PRKG1: variants seen among roughly 807,000 people sequenced by gnomAD.
PRKG1 encodes the protein cGMP-dependent protein kinase 1.
In PRKG1, 35 loss-of-function variants were observed where a neutral mutation model predicts 88.1. The ratio of observed to expected loss-of-function variants is 0.40; its 90% CI spans 0.30 to 0.53. PRKG1 has a LOEUF of 0.53. Ranked by LOEUF, PRKG1 falls within the 20% of genes least tolerant of loss-of-function variation. The pLI is 0.59. For synonymous variants in PRKG1, 303 were observed against 292.5 expected (o/e 1.04, Z -0.37); for missense variants, 540 against 839.8 (o/e 0.64, Z 4.41).
intron 9 of PRKG1, among the ~76,000 whole-genome samples, chr10:52,219,894 A>G (rs1840200149): frequency 6.6e-6 from 1 of 152,202 alleles, no homozygotes; most frequent in Non-Finnish European, 1.5e-5. Context: ...TTATTTTTCT[A>G]AAGTAATTTA....
rs572939265 is a variant in PRKG1 at position 52,292,720 on chromosome 10, C to G, written c.1963-1082C>G. On this transcript the variant is annotated intron_variant, in intron 17 of 17. Coordinates refer to ENST00000373980, the MANE Select transcript of PRKG1 (RefSeq NM_006258.4). ...TGACAAAATTTAACAACCCTTCATG[C>G]TAAAAACTCTCAATAAATTAGGTAT... Among the ~76,000 whole-genome samples the G allele has an allele frequency of 9.2e-5, 14 of 152,158 alleles. No homozygotes were observed. In the South Asian group the frequency reaches 2.5e-3, roughly 27 times the overall value.
Position 51,428,381 on chromosome 10 carries a change from C to A in PRKG1, c.479-39342C>A, listed in dbSNP as rs1588948658. Among the ~76,000 whole-genome samples, 3 of 152,170 alleles carry A rather than the reference C, an allele frequency of 2.0e-5. No homozygotes were observed. The East Asian group carries it at 5.8e-4, about 29-fold the overall frequency. Reference sequence around the variant, plus strand: ...TTCTTGGAAAGTTGAATTTTAATATCATTTATGGCTTCACTAAATCTTGAT... The same window carrying A: ...TTCTTGGAAAGTTGAATTTTAATATAATTTATGGCTTCACTAAATCTTGAT... On this transcript the variant is annotated intron_variant, in intron 2 of 17. Transcript: ENST00000373980.
At chr10:51,250,947 A>C (rs1185590652) in intron 2 of PRKG1, among the ~76,000 whole-genome samples, 1 of 151,834 alleles carries the variant, frequency 6.6e-6, no homozygotes, top group Admixed American at 6.6e-5. Flanking sequence ...GAGAATACAG[A>C]ACTAGAGCTG....
intron 2 of PRKG1, among the ~76,000 whole-genome samples, chr10:51,324,551 C>A (rs1841535087): frequency 6.8e-6 from 1 of 147,748 alleles, no homozygotes; most frequent in Admixed American, 6.8e-5. Context: ...CACGATGAAA[C>A]CCCGTCTCTA....
chr10:51,421,198 G>A (rs551143939), intron 2 of PRKG1, among the ~76,000 whole-genome samples: 1 of 152,156 alleles, frequency 6.6e-6, no homozygotes, highest in African/African-American at 2.4e-5. Context: ...TAGAAACAGG[G>A]TCTTGTTCTG....
intron 2 of PRKG1, among the ~76,000 whole-genome samples, chr10:51,199,883 A>G (rs1054945294): frequency 1.3e-5 from 2 of 152,066 alleles, no homozygotes; most frequent in Non-Finnish European, 2.9e-5. Flanking sequence ...TTCTACCCCA[A>G]ATTCTGATGA....
At chr10:51,124,265 CTG>C (rs1371939368) in intron 1 of PRKG1, among the ~76,000 whole-genome samples, 1 of 152,178 alleles carries the variant, frequency 6.6e-6, no homozygotes, top group East Asian at 1.9e-4. Flanking sequence ...TGTCAGCACA[CTG>C]TCCTTTGGAT....
chr10:52,039,841 G>A (rs1845712082), intron 5 of PRKG1, among the ~76,000 whole-genome samples: 1 of 152,072 alleles, frequency 6.6e-6, no homozygotes, highest in Non-Finnish European at 1.5e-5. Flanking sequence ...CCTAATTTTT[G>A]AGAAGCACTC....
In PRKG1 at chr10:51,477,059, C is replaced by G. The variant is rs557687968; in HGVS notation, c.592+9223C>G. 3.9e-5 allele frequency among the ~76,000 whole-genome samples: 6 copies of G among 152,018 alleles called. No individual in the cohort carries two copies. In the South Asian group the frequency reaches 1.0e-3, roughly 26 times the overall value. On this transcript the variant is annotated intron_variant, in intron 3 of 17. Transcript: ENST00000373980. ...ACACACCTGGATTTCTAAACTATAT[C>G]TCTCTCCTTGACAGTCACCAGCAAA...
chr10:51,403,373 TTAGATTTC>T (rs1319986047), intron 2 of PRKG1, among the ~76,000 whole-genome samples: 1 of 152,210 alleles, frequency 6.6e-6, no homozygotes, highest in African/African-American at 2.4e-5. Context: ...AGAAAGTTGA[TTAGATTTC>T]TTTGAAGAAA....
In PRKG1 at chr10:52,297,867, G is replaced by T. The variant is rs1368973612; in HGVS notation, c.*3967G>T. The T allele has an allele frequency of 1.3e-5, 2 of 152,062 alleles. No homozygotes were observed. Among genetic ancestry groups the T allele is most frequent in the Non-Finnish European group, 2.9e-5 (2 of 67,996 alleles). 9.4% of individuals were successfully genotyped at this position (152,062 alleles called of 1,614,324 possible). On this transcript the variant is annotated 3_prime_UTR_variant, in exon 18 of 18. Transcript: ENST00000373980. ...CTCAACAAAACAGGATGCTTTTTCC[G>T]AGTTCTTGTATATGCAAATCATTTA...
chr10:51,281,964 G>A (rs942889358), intron 2 of PRKG1, among the ~76,000 whole-genome samples: 3 of 152,112 alleles, frequency 2.0e-5, no homozygotes, highest in Non-Finnish European at 4.4e-5. Flanking sequence ...AGTGGTGCTG[G>A]GGTATTAATA....
At chr10:51,742,512 A>T (rs932333226) in intron 3 of PRKG1, among the ~76,000 whole-genome samples, 4 of 152,202 alleles carry the variant, frequency 2.6e-5, no homozygotes, top group Non-Finnish European at 5.9e-5. Context: ...TTTAGTGACT[A>T]GTTGGATGCA....
chr10:51,702,186 G>A (rs74132568), intron 3 of PRKG1, among the ~76,000 whole-genome samples: 2,209 of 152,278 alleles, frequency 0.015, 60 homozygotes, highest in African/African-American at 0.05. Context: ...AGGACTATGG[G>A]ACAAACAAGA....
rs576799720 is a variant in PRKG1, at chr10:51,397,079, T to A, written c.479-70644T>A. Among the ~76,000 whole-genome samples, 4 of 152,184 alleles carry A rather than the reference T, an allele frequency of 2.6e-5. No individual in the cohort carries two copies. The South Asian group carries it at 8.3e-4, about 32-fold the overall frequency. On this transcript the variant is annotated intron_variant, in intron 2 of 17. Coordinates refer to ENST00000373980, the MANE Select transcript of PRKG1 (RefSeq NM_006258.4). Reference sequence around the variant, plus strand: ...AGCCCATGAATCGGAGTTGCTGTTTTGATTTTTTTTAAATATTTAAATATC... The same window carrying A: ...AGCCCATGAATCGGAGTTGCTGTTTAGATTTTTTTTAAATATTTAAATATC...
At chr10:52,062,959 A>G (rs1009869223) in intron 7 of PRKG1, 20 of 597,678 alleles carry the variant, frequency 3.3e-5, no homozygotes, top group Non-Finnish European at 5.1e-5. Flanking sequence ...TTTACTCAGA[A>G]TCATTAAGAT....
At chr10:51,737,217 C>G (rs149998713) in intron 3 of PRKG1, among the ~76,000 whole-genome samples, 125 of 152,266 alleles carry the variant, frequency 8.2e-4, no homozygotes, top group African/African-American at 2.9e-3. Context: ...CATCTTCCCC[C>G]ACTCCCACAT....
chr10:51,659,291 G>A (rs942644418), intron 3 of PRKG1, among the ~76,000 whole-genome samples: 2 of 151,992 alleles, frequency 1.3e-5, no homozygotes, highest in Non-Finnish European at 1.5e-5. Flanking sequence ...ATGACAGTTC[G>A]CTCAAATGTG....
At chr10:52,189,934 G>T (rs2132751538) in intron 9 of PRKG1, among the ~76,000 whole-genome samples, 1 of 152,238 alleles carries the variant, frequency 6.6e-6, no homozygotes, top group East Asian at 1.9e-4. Flanking sequence ...TCCTTAAGCT[G>T]CTCTTTAGAA....
Sources: allele counts gnomAD v4.1 joint callset (sites outside exome capture counted in the v4.1 genomes callset), GRCh38; gene constraint gnomAD v4.1.1; transcripts MANE v1.5; gene names NCBI Gene and HGNC (gene_info 2026-07-23, HGNC 2026-07-21).